LRRC49: variants seen among roughly 807,000 people sequenced by gnomAD.
LRRC49 encodes leucine-rich repeat-containing protein 49.
LRRC49 carries 50 observed loss-of-function variants against 83.3 expected under a neutral mutation model. That is an observed-to-expected ratio of 0.60 (90% CI 0.48 to 0.76). The LOEUF is 0.76. LRRC49 is among the 30% of genes least tolerant of loss of function. The probability of loss-of-function intolerance (pLI) is 0.00; values close to 1 mark genes in which losing one functional copy is unlikely to be tolerated. For synonymous variants in LRRC49, 286 were observed against 283.3 expected (o/e 1.01, Z -0.10); for missense variants, 704 against 809.1 (o/e 0.87, Z 1.58).
intron 1 of LRRC49, 159 bp from the exon 2 acceptor site, chr15:70,893,425 G>T: frequency 1.6e-6 from 1 of 638,532 alleles, no homozygotes; most frequent in South Asian, 1.8e-5. Context: ...TGATTTTATT[G>T]TTTTCAGCAA....
rs2039963005 is a variant in LRRC49, at chr15:71,049,676, T to A, written c.*64T>A. The A allele has an allele frequency of 9.5e-7, 1 of 1,053,782 alleles. No homozygotes were observed. Among genetic ancestry groups the A allele is most frequent in the Admixed American group, 2.1e-5 (1 of 48,618 alleles). The allele number at this position is 1,053,782 out of a possible 1,614,324, so 65.3% of individuals were successfully genotyped here. On this transcript the variant is annotated 3_prime_UTR_variant, in exon 16 of 16. Transcript: ENST00000260382. ...TTTTTGAAGGTTGAAAATATGCAGGTTATACATGTTAAAACAACAACAACA... is the reference window on the plus strand; with the variant it reads ...TTTTTGAAGGTTGAAAATATGCAGGATATACATGTTAAAACAACAACAACA...
intron 7 of LRRC49, among the ~76,000 whole-genome samples, chr15:70,920,392 T>A (rs2034963769): frequency 6.6e-6 from 1 of 152,208 alleles, no homozygotes; most frequent in Non-Finnish European, 1.5e-5. Context: ...ACTTCTAAAT[T>A]CTGTCAAGCC....
intron 2 of LRRC49, chr15:70,882,961 T>A: frequency 6.3e-7 from 1 of 1,578,542 alleles, no homozygotes. Flanking sequence ...TATAGGATTT[T>A]ATCTTTCAAA....
intron 4 of LRRC49, among the ~76,000 whole-genome samples, 153 bp from the exon 5 acceptor site, chr15:70,904,399 A>C (rs551185091): frequency 2.2e-4 from 34 of 152,288 alleles, no homozygotes; most frequent in African/African-American, 7.2e-4. Context: ...TTTACAATTA[A>C]ATATAGGTCG....
chr15:70,916,195 A>G (rs2034766400), intron 6 of LRRC49, among the ~76,000 whole-genome samples: 1 of 152,050 alleles, frequency 6.6e-6, no homozygotes, highest in Non-Finnish European at 1.5e-5. Context: ...GCTTAACATC[A>G]CTTTGAGCTC....
intron 9 of LRRC49, among the ~76,000 whole-genome samples, chr15:70,972,894 T>C (rs1338026614): frequency 1.3e-5 from 2 of 152,114 alleles, no homozygotes; most frequent in Non-Finnish European, 2.9e-5. Context: ...TGTAACCTTT[T>C]TTCAGGGTTC....
chr15:70,863,750 T>G (rs1287111603), intron 1 of LRRC49, among the ~76,000 whole-genome samples: 1 of 152,220 alleles, frequency 6.6e-6, no homozygotes, highest in Admixed American at 6.5e-5. Context: ...CCAACCTCTG[T>G]GGTCATGTAT....
At position 71,050,333 on chromosome 15, in the gene LRRC49, A is replaced by C. The variant is rs1302799892; in HGVS notation, c.*721A>C. 6.6e-6 allele frequency: 1 copy of C among 152,238 alleles called. No homozygotes were observed. Among genetic ancestry groups the C allele is most frequent in the Non-Finnish European group, 1.5e-5 (1 of 68,046 alleles). 9.4% of individuals were successfully genotyped at this position (152,238 alleles called of 1,614,324 possible). On this transcript the variant is annotated 3_prime_UTR_variant, in exon 16 of 16. Coordinates refer to ENST00000260382, the MANE Select transcript of LRRC49 (RefSeq NM_017691.5). ...TATAAAATGCTGTTACAAAGCAGTA[A>C]ATCTGCTTCTCTGAAAGATGTTTCC...
At chr15:70,902,894 T>G (rs1225638108) in intron 4 of LRRC49, among the ~76,000 whole-genome samples, 10 of 152,174 alleles carry the variant, frequency 6.6e-5, no homozygotes, top group Admixed American at 5.9e-4. Flanking sequence ...TTATTATGTA[T>G]GTTTGCTTGC....
chr15:71,039,588 C>T (rs964669810), intron 15 of LRRC49, among the ~76,000 whole-genome samples: 1 of 152,124 alleles, frequency 6.6e-6, no homozygotes, highest in Non-Finnish European at 1.5e-5. Context: ...TATAATACTA[C>T]AATGCAAATG....
intron 15 of LRRC49, among the ~76,000 whole-genome samples, chr15:71,038,992 G>A (rs1223590192): frequency 1.3e-5 from 2 of 152,066 alleles, no homozygotes; most frequent in Non-Finnish European, 2.9e-5. Context: ...ATACGGATAA[G>A]TATCAATCAG....
intron 2 of LRRC49, among the ~76,000 whole-genome samples, chr15:70,878,205 A>T (rs1417179442): frequency 6.6e-6 from 1 of 152,214 alleles, no homozygotes; most frequent in Non-Finnish European, 1.5e-5. Flanking sequence ...TTGTAAATGA[A>T]ACCAGTTTTT....
At chr15:70,873,018 G>A (rs998594413) in exon 2 of LRRC49, 8 of 589,172 alleles carry the variant, frequency 1.4e-5, no homozygotes, top group Non-Finnish European at 2.1e-5. Context: ...CCGAGTAGCT[G>A]GGATTATAGG....
chr15:71,044,086 A>G (rs2039777648), intron 15 of LRRC49, among the ~76,000 whole-genome samples: 1 of 152,150 alleles, frequency 6.6e-6, no homozygotes, highest in South Asian at 2.1e-4. Context: ...CCTTCTTTGT[A>G]GGAGTTCCTA....
At chr15:70,861,031 G>T (rs916435574) in intron 1 of LRRC49, among the ~76,000 whole-genome samples, 3 of 152,174 alleles carry the variant, frequency 2.0e-5, no homozygotes, top group Non-Finnish European at 4.4e-5. Context: ...CAGCAAACAC[G>T]CTCTGGATTT....
chr15:70,866,794 A>G lies in LRRC49; in HGVS notation c.-298-6114A>G, dbSNP rs937377440. On this transcript the variant is annotated intron_variant, in intron 1 of 16. Coordinates refer to the LRRC49 transcript ENST00000544974. ...AAGAAAATTTAACTAAATTGGACAG[A>G]AATTAACACAATTTCATTCAGTCCT... Among the ~76,000 whole-genome samples the G allele has an allele frequency of 3.3e-5, 5 of 152,232 alleles. No homozygotes were observed. The East Asian group carries it at 7.8e-4, about 24-fold the overall frequency.
chr15:70,997,204 G>A (rs530510468), intron 11 of LRRC49, among the ~76,000 whole-genome samples: 2 of 152,216 alleles, frequency 1.3e-5, no homozygotes, highest in South Asian at 4.1e-4. Context: ...TTTGCTTCAT[G>A]TATTTTAGAT....
At chr15:70,906,269 G>T (rs1027830780) in intron 5 of LRRC49, among the ~76,000 whole-genome samples, 1 of 151,850 alleles carries the variant, frequency 6.6e-6, no homozygotes, top group Non-Finnish European at 1.5e-5. Flanking sequence ...GCTAATTTTT[G>T]TATATTTAGT....
At chr15:70,964,794 C>G (rs1233322774) in intron 9 of LRRC49, among the ~76,000 whole-genome samples, 1 of 152,130 alleles carries the variant, frequency 6.6e-6, no homozygotes, top group Non-Finnish European at 1.5e-5. Flanking sequence ...AAGCCTCTAC[C>G]TATTTTCTCT....
Sources: allele counts gnomAD v4.1 joint callset (sites outside exome capture counted in the v4.1 genomes callset), GRCh38; gene constraint gnomAD v4.1.1; transcripts MANE v1.5; gene names NCBI Gene and HGNC (gene_info 2026-07-23, HGNC 2026-07-21).